IGF2BP1: variants seen among roughly 807,000 people sequenced by gnomAD.
The protein encoded by IGF2BP1 is insulin like growth factor 2 mRNA binding protein 1.
A neutral mutation model predicts 74.9 loss-of-function variants in IGF2BP1; 11 were observed. That is an observed-to-expected ratio of 0.15 (90% CI 0.09 to 0.24). The LOEUF (loss-of-function observed/expected upper bound fraction) is 0.24. IGF2BP1 is among the 10% of genes least tolerant of loss of function. IGF2BP1 has a pLI of 1.00. For missense variants in IGF2BP1, 440 were observed against 757.4 expected, an observed-to-expected ratio of 0.58 and a Z score of 4.92; for synonymous variants, 287 against 281.8, an observed-to-expected ratio of 1.02 and a Z score of -0.18.
At chr17:49,015,338 C>T (rs1054455198) in intron 2 of IGF2BP1, among the ~76,000 whole-genome samples, 2 of 152,180 alleles carry the variant, frequency 1.3e-5, no homozygotes, top group Non-Finnish European at 2.9e-5. Context: ...GAGTGCTAAA[C>T]CAGCATCTCC....
chr17:49,045,459 G>A (rs1036317595), intron 12 of IGF2BP1, among the ~76,000 whole-genome samples: 2 of 152,188 alleles, frequency 1.3e-5, no homozygotes, highest in African/African-American at 4.8e-5. Context: ...CCTAACATAT[G>A]TGAGGATAGA....
At chr17:49,040,164 C>T in intron 7 of IGF2BP1, 73 bp downstream of exon 7, 3 of 1,506,724 alleles carry the variant, frequency 2.0e-6, no homozygotes, top group African/African-American at 1.4e-5. Flanking sequence ...AACTTTCAAG[C>T]TTTTATACAG....
chr17:49,043,275 A>G (rs970057227), intron 9 of IGF2BP1, among the ~76,000 whole-genome samples, 153 bp from the exon 10 acceptor site: 19 of 152,202 alleles, frequency 1.2e-4, no homozygotes, highest in African/African-American at 4.3e-4. Flanking sequence ...GTGAGAGTGT[A>G]TGAAAAGCAC....
Position 49,042,270 on chromosome 17 carries a change from G to C in IGF2BP1, c.970G>C (p.Glu324Gln). The change falls in exon 9 of 15, where the codon GAG becomes CAG. Residue 324 changes from glutamate to glutamine, a missense_variant. Physicochemically the swap from Glu to Gln is conservative, Grantham distance 29. Transcript: ENST00000290341. ...GCAAGACCTTACCCTTTACAACCCT[G>C]AGAGGACCATCACTGTGAAGGGGGC... Reference protein sequence around the residue: ...SLQDLTLYNPERTITVKGAIE... With the variant: ...SLQDLTLYNPQRTITVKGAIE... The C allele has an allele frequency of 6.2e-7, 1 of 1,614,202 alleles. No homozygotes were observed. Among genetic ancestry groups the C allele is most frequent in the South Asian group, 1.1e-5 (1 of 91,084 alleles).
chr17:49,019,958 A>ATT (rs1344393066), intron 2 of IGF2BP1, among the ~76,000 whole-genome samples: 10 of 36,024 alleles, frequency 2.8e-4, no homozygotes, highest in African/African-American at 2.2e-3. Flanking sequence ...ATTTATATAC[A>ATT]CACACACACA....
At position 49,052,773 on chromosome 17, in the gene IGF2BP1, T is replaced by A. The variant is rs1344951786; in HGVS notation, c.*3329T>A. The A allele has an allele frequency of 6.6e-6, 1 of 152,522 alleles. No homozygotes were observed. The highest frequency in any genetic ancestry group is 1.5e-5 in the Non-Finnish European group (1 of 68,018). The allele number at this position is 152,522 out of a possible 1,614,324, so 9.4% of individuals were successfully genotyped here. A position where few individuals can be genotyped will look rare whatever the true frequency, so the allele number is the denominator to read the frequency against. ...GCTATCGCGAAAAGCACTTGGGAGA[T>A]TTGGATGATTTGAGAAGAGTGACTT... On this transcript the variant is annotated 3_prime_UTR_variant, in exon 15 of 15. Coordinates refer to ENST00000290341, the MANE Select transcript of IGF2BP1 (RefSeq NM_006546.4).
intron 2 of IGF2BP1, among the ~76,000 whole-genome samples, chr17:49,020,029 CAT>C (rs1173080002): frequency 1.5e-4 from 15 of 97,480 alleles, no homozygotes; most frequent in African/African-American, 4.8e-4. Flanking sequence ...CACACACACA[CAT>C]ATATATGTAT....
At chr17:49,034,357 G>C (rs1284913240) in intron 5 of IGF2BP1, among the ~76,000 whole-genome samples, 5 of 151,324 alleles carry the variant, frequency 3.3e-5, no homozygotes. Flanking sequence ...GACGTCAGGC[G>C]ATCCGCCCAC....
At chr17:49,015,127 A>T (rs1249499999) in intron 2 of IGF2BP1, among the ~76,000 whole-genome samples, 1 of 151,974 alleles carries the variant, frequency 6.6e-6, no homozygotes, top group East Asian at 1.9e-4. Context: ...CGTGTGCCAC[A>T]ACACCCGGCT....
Position 49,055,706 on chromosome 17 carries a change from CAA to C in IGF2BP1, c.*6265_*6266del. 2 of 398,490 alleles carry C rather than the reference CAA, an allele frequency of 5.0e-6. No homozygotes were observed. Among genetic ancestry groups the C allele is most frequent in the East Asian group, 7.1e-5 (2 of 28,078 alleles). 24.7% of individuals were successfully genotyped at this position (398,490 alleles called of 1,614,324 possible). A position where few individuals can be genotyped will look rare whatever the true frequency, so the allele number is the denominator to read the frequency against. The stretch of plus-strand genomic sequence containing the variant: ...CCTGGTCCCCAAAACCAGAGTGAAT[CAA>C]AAGAGCTTCCTCCCCTGAGGCAAAG... On this transcript the variant is annotated 3_prime_UTR_variant, in exon 15 of 15. Coordinates refer to ENST00000290341, the MANE Select transcript of IGF2BP1 (RefSeq NM_006546.4).
Position 49,038,151 on chromosome 17 carries a change from T to C in IGF2BP1, c.402-17T>C. Reference sequence around the variant, plus strand: ...GCATGGATTGGAATGACCTGTAGACTCTCACTCTGTCCCCAGAGCCATCAT... The same window carrying C: ...GCATGGATTGGAATGACCTGTAGACCCTCACTCTGTCCCCAGAGCCATCAT... On this transcript the variant is annotated splice_polypyrimidine_tract_variant and intron_variant, in intron 5 of 14. Transcript: ENST00000290341. 1 of 1,480,640 alleles carries C rather than the reference T, an allele frequency of 6.8e-7. No individual in the cohort carries two copies. Among genetic ancestry groups the C allele is most frequent in the Non-Finnish European group, 9.0e-7 (1 of 1,113,066 alleles). The allele number at this position is 1,480,640 out of a possible 1,614,324, so 91.7% of individuals were successfully genotyped here.
At chr17:49,046,093 G>C (rs2042104950) in intron 13 of IGF2BP1, 72 bp downstream of exon 13, 3 of 1,568,716 alleles carry the variant, frequency 1.9e-6, no homozygotes, top group East Asian at 4.5e-5. Context: ...CTGGTCTCCT[G>C]TACTGCTCAA....
intron 2 of IGF2BP1, chr17:49,014,942 CTG>C: frequency 7.1e-6 from 7 of 985,284 alleles, no homozygotes; most frequent in Non-Finnish European, 8.4e-6. Context: ...GAGCCCGACT[CTG>C]TCTGTTTTCA....
chr17:49,040,100 C>T lies in IGF2BP1; in HGVS notation c.818+9C>T, dbSNP rs1339368120. 6.2e-7 allele frequency: 1 copy of T among 1,613,784 alleles called. No homozygotes were observed. Among genetic ancestry groups the T allele is most frequent in the Non-Finnish European group, 8.5e-7 (1 of 1,179,892 alleles). Reference sequence around the variant, plus strand: ...GCTAAGGACACCAAAACGTAAGTCTCCAGCTTTTCTTGGATCTTCAGGGTC... The same window carrying T: ...GCTAAGGACACCAAAACGTAAGTCTTCAGCTTTTCTTGGATCTTCAGGGTC... On this transcript the variant is annotated intron_variant, in intron 7 of 14. Transcript: ENST00000290341.
In IGF2BP1 at chr17:49,014,792, C is replaced by T. The variant is rs1196900922; in HGVS notation, c.237-10826C>T. The T allele has an allele frequency of 8.1e-6, 8 of 985,356 alleles. No homozygotes were observed. In the African/African-American group the frequency reaches 1.2e-4, roughly 15 times the overall value. 61.0% of individuals were successfully genotyped at this position (985,356 alleles called of 1,614,324 possible). A position where few individuals can be genotyped will look rare whatever the true frequency, so the allele number is the denominator to read the frequency against. ...ATCGTCATCAGGGGGCACTAAGGACCCCGAGGAGCACGGGGATGTCTGCCG... is the reference window on the plus strand; with the variant it reads ...ATCGTCATCAGGGGGCACTAAGGACTCCGAGGAGCACGGGGATGTCTGCCG... On this transcript the variant is annotated intron_variant, in intron 2 of 14. Coordinates refer to ENST00000290341, the MANE Select transcript of IGF2BP1 (RefSeq NM_006546.4).
chr17:49,021,598 T>C (rs961869024), intron 2 of IGF2BP1, among the ~76,000 whole-genome samples: 1 of 152,194 alleles, frequency 6.6e-6, no homozygotes, highest in African/African-American at 2.4e-5. Context: ...CCACAGCATG[T>C]TGGCACCCAG....
rs566143152 is a variant in IGF2BP1 at position 49,026,342 on chromosome 17, A to G, written c.286-124A>G. 6.4e-5 allele frequency: 51 copies of G among 801,682 alleles called. No individual in the cohort carries two copies. The South Asian group carries it at 7.4e-4, about 12-fold the overall frequency. 49.7% of individuals were successfully genotyped at this position (801,682 alleles called of 1,614,324 possible). On this transcript the variant is annotated intron_variant, in intron 3 of 14. Coordinates refer to ENST00000290341, the MANE Select transcript of IGF2BP1 (RefSeq NM_006546.4). ...GAAAGGTCACACTGGACAGGTAATA[A>G]TGCTCAAACACTCCTATGGCTCTGT...
intron 5 of IGF2BP1, among the ~76,000 whole-genome samples, chr17:49,032,561 C>T (rs2041937668): frequency 6.6e-6 from 1 of 152,170 alleles, no homozygotes; most frequent in African/African-American, 2.4e-5. Context: ...GCGCATTACT[C>T]ATTTATATTA....
At chr17:49,028,383 G>A (rs919102916) in intron 4 of IGF2BP1, among the ~76,000 whole-genome samples, 2 of 152,158 alleles carry the variant, frequency 1.3e-5, no homozygotes, top group Non-Finnish European at 2.9e-5. Flanking sequence ...CTTCACCCAC[G>A]CAAGAGTAAA....
Sources: allele counts gnomAD v4.1 joint callset (sites outside exome capture counted in the v4.1 genomes callset), GRCh38; gene constraint gnomAD v4.1.1; transcripts MANE v1.5; gene names NCBI Gene and HGNC (gene_info 2026-07-23, HGNC 2026-07-21).